CCDC77: variants seen among roughly 807,000 people sequenced by gnomAD.
CCDC77 encodes coiled-coil domain containing 77.
A neutral mutation model predicts 66.8 loss-of-function variants in CCDC77; 56 were observed. The ratio of observed to expected loss-of-function variants is 0.84; its 90% confidence interval spans 0.68 to 1.05. The LOEUF (loss-of-function observed/expected upper bound fraction) is 1.05. CCDC77 is among the 50% of genes least tolerant of loss of function. The pLI is 0.00. For synonymous variants in CCDC77, 196 were observed against 195.2 expected, an observed-to-expected ratio of 1.00 and a Z score of -0.03; for missense variants, 570 against 576.8, an observed-to-expected ratio of 0.99 and a Z score of 0.12.
At chr12:410,224 ATT>A in intron 3 of CCDC77, among the ~76,000 whole-genome samples, 1 of 150,638 alleles carries the variant, frequency 6.6e-6, no homozygotes, top group Non-Finnish European at 1.5e-5. Context: ...ACCAAATTGG[ATT>A]TATTTTCACA....
intron 5 of CCDC77, 45 bp downstream of exon 5, chr12:418,681 ACATTCATTCATT>A (rs113437345): frequency 5.4e-5 from 83 of 1,544,144 alleles, no homozygotes; most frequent in South Asian, 1.1e-4. Flanking sequence ...ACTTTAAATT[ACATTCATTCATT>A]CATTCATTCA....
rs748705307 is a variant in CCDC77 at position 440,867 on chromosome 12, G to A, written c.1191G>A (p.Lys397=). The A allele has an allele frequency of 6.2e-7, 1 of 1,613,682 alleles. No individual in the cohort carries two copies. The highest frequency in any genetic ancestry group is 8.5e-7 in the Non-Finnish European group (1 of 1,180,018). ...IFKDRTNKMG[K]RLQIMTKRYE... ...AGGATCGCACTAACAAGATGGGGAA[G>A]CGTTTACAGATAATGACAAAACGCT... Residue 397 remains lysine, a synonymous_variant, in exon 12 of 13, where the codon AAG becomes AAA. Transcript: ENST00000239830.
rs1321859816 is a variant in CCDC77 at position 404,094 on chromosome 12, A to G, written c.-70-1417A>G. On this transcript the variant is annotated intron_variant, in intron 1 of 12. Coordinates refer to ENST00000239830, the MANE Select transcript of CCDC77 (RefSeq NM_032358.4). ...AACACTGGCAGGCAGAGGTGGGTGG[A>G]TCATCTGAGGTCAGGAGTTCGAGAC... 2.6e-5 allele frequency among the ~76,000 whole-genome samples: 4 copies of G among 152,146 alleles called. No homozygotes were observed. In the South Asian group the frequency reaches 6.2e-4, roughly 24 times the overall value.
intron 12 of CCDC77, among the ~76,000 whole-genome samples, chr12:441,212 C>T (rs1440209236): frequency 1.3e-5 from 2 of 152,150 alleles, no homozygotes; most frequent in East Asian, 1.9e-4. Context: ...ATTCATACTT[C>T]GATGTAAGCT....
At chr12:389,754 G>A (rs1323653270) in intron 1 of CCDC77, among the ~76,000 whole-genome samples, 1 of 152,178 alleles carries the variant, frequency 6.6e-6, no homozygotes, top group East Asian at 1.9e-4. Flanking sequence ...CCCGTGCTTC[G>A]TAATTTGTTT....
chr12:428,671 G>GT lies in CCDC77; in HGVS notation c.414-94dup, dbSNP rs561761786. 296 of 644,370 alleles carry GT rather than the reference G, an allele frequency of 4.6e-4. 3 individuals carry two copies. In the African/African-American group the frequency reaches 7.9e-3, roughly 17 times the overall value. 39.9% of individuals were successfully genotyped at this position (644,370 alleles called of 1,614,324 possible). ...ACTGTTTTAATTTGGGGTTACAATT[G>GT]TTTTAAAAAAAAAATAGAAGGGAGA... On this transcript the variant is annotated intron_variant, in intron 5 of 12. Transcript: ENST00000239830.
At chr12:415,360 TATG>T (rs1945215003) in intron 4 of CCDC77, among the ~76,000 whole-genome samples, 1 of 112,244 alleles carries the variant, frequency 8.9e-6, no homozygotes. Context: ...AACATAATAT[TATG>T]TTAATATAAT....
At chr12:427,550 C>T (rs1233624853) in intron 5 of CCDC77, among the ~76,000 whole-genome samples, 6 of 149,450 alleles carry the variant, frequency 4.0e-5, no homozygotes, top group Admixed American at 6.7e-5. Context: ...TCTTGGCTCA[C>T]TGCAAACTCC....
intron 2 of CCDC77, among the ~76,000 whole-genome samples, chr12:407,862 A>G (rs1945026503): frequency 1.5e-5 from 2 of 131,810 alleles, no homozygotes; most frequent in Admixed American, 1.0e-4. Context: ...ATCTCGGCTC[A>G]CTGCGACCTC....
rs768111094 is a variant in CCDC77, at chr12:418,538, T to C, written c.315T>C (p.Ala105=). 1 of 1,613,958 alleles carries C rather than the reference T, an allele frequency of 6.2e-7. No individual in the cohort carries two copies. Among genetic ancestry groups the C allele is most frequent in the Non-Finnish European group, 8.5e-7 (1 of 1,179,944 alleles). Residue 105 remains alanine (A), a synonymous_variant, in exon 5 of 13, where the codon GCT becomes GCC. Transcript: ENST00000239830. The part of the protein sequence containing the change: ...CDLQQREEEI[A]ELQKALSDMQ... ...TGCAGCAGAGGGAGGAAGAGATTGC[T>C]GAATTGCAGAAAGCTCTAAGTGATA...
chr12:408,139 C>T (rs915615286), intron 2 of CCDC77, among the ~76,000 whole-genome samples: 1 of 152,098 alleles, frequency 6.6e-6, no homozygotes, highest in African/African-American at 2.4e-5. Context: ...CATAACAGAA[C>T]ATCATCTGAC....
chr12:432,139 T>C (rs576409614), intron 8 of CCDC77, among the ~76,000 whole-genome samples, 185 bp downstream of exon 8: 6 of 152,234 alleles, frequency 3.9e-5, no homozygotes, highest in Non-Finnish European at 7.3e-5. Flanking sequence ...CATCCTTTTC[T>C]ATTTGAACAT....
chr12:402,278 G>T (rs967302224), intron 1 of CCDC77, among the ~76,000 whole-genome samples: 19 of 152,106 alleles, frequency 1.2e-4, no homozygotes, highest in African/African-American at 3.1e-4. Context: ...TGTAGGGAGC[G>T]CACGCTAGCA....
At chr12:416,377 G>GTATATA (rs1167006549) in intron 4 of CCDC77, among the ~76,000 whole-genome samples, 62 of 20,566 alleles carry the variant, frequency 3.0e-3, no homozygotes, top group Non-Finnish European at 4.6e-3. Flanking sequence ...GTGTGTGTGT[G>GTATATA]TATATATATA....
At chr12:425,450 A>G (rs1230126973) in intron 5 of CCDC77, among the ~76,000 whole-genome samples, 2 of 151,786 alleles carry the variant, frequency 1.3e-5, no homozygotes, top group Non-Finnish European at 2.9e-5. Context: ...GATCCGCCAA[A>G]TGATGTCCCA....
At chr12:389,893 AG>A (rs1944722855) in intron 1 of CCDC77, 1 of 152,424 alleles carries the variant, frequency 6.6e-6, no homozygotes, top group African/African-American at 2.4e-5. Flanking sequence ...CATCAAAACA[AG>A]TGCAGGTCTA....
At chr12:409,646 T>G in intron 3 of CCDC77, 1 of 533,924 alleles carries the variant, frequency 1.9e-6, no homozygotes, top group South Asian at 2.2e-5. Flanking sequence ...CCTCCCAGAG[T>G]GCTGTGATTA....
chr12:418,440 A>G (rs1310663037), intron 4 of CCDC77, 54 bp from the exon 5 acceptor site: 51 of 1,557,808 alleles, frequency 3.3e-5, no homozygotes, highest in Non-Finnish European at 4.3e-5. Flanking sequence ...CCAGTGAGAG[A>G]TACTCCATTG....
At chr12:404,136 GCGAAAC>G (rs1235771504) in intron 1 of CCDC77, among the ~76,000 whole-genome samples, 1 of 152,160 alleles carries the variant, frequency 6.6e-6, no homozygotes, top group Admixed American at 6.6e-5. Flanking sequence ...GGCCAACATG[GCGAAAC>G]CCTGTCTTTA....
Sources: gnomAD v4.1 joint callset for allele counts (sites outside exome capture counted in the v4.1 genomes callset) on GRCh38, gnomAD v4.1.1 for gene constraint, MANE v1.5 for transcripts, NCBI Gene and HGNC (gene_info 2026-07-23, HGNC 2026-07-21) for gene names.